DOCK10: variants seen among roughly 807,000 people sequenced by gnomAD.
DOCK10 encodes dedicator of cytokinesis protein 10.
Under a neutral mutation model 280.1 loss-of-function variants are expected in DOCK10, and 145 were observed. That is an observed-to-expected ratio of 0.52 (90% CI 0.45 to 0.59). The LOEUF (loss-of-function observed/expected upper bound fraction) is 0.59. Among genes scored for constraint, DOCK10 ranks in the 20% least tolerant of loss-of-function variants. The pLI is 0.00. For synonymous variants in DOCK10, 915 were observed against 942.2 expected (o/e 0.97, Z 0.53); for missense variants, 2,368 against 2,651.7 (o/e 0.89, Z 2.35).
chr2:224,982,886 A>G (rs139101665), intron 1 of DOCK10, among the ~76,000 whole-genome samples: 7 of 152,146 alleles, frequency 4.6e-5, no homozygotes, highest in African/African-American at 1.2e-4. Context: ...TTCATAGCTC[A>G]TAAGTTCCAG....
intron 11 of DOCK10, among the ~76,000 whole-genome samples, chr2:224,867,553 T>A (rs920539886): frequency 6.6e-6 from 1 of 152,170 alleles, no homozygotes; most frequent in African/African-American, 2.4e-5. Context: ...ATATGGAAGA[T>A]GAGAAGAAGG....
intron 1 of DOCK10, among the ~76,000 whole-genome samples, chr2:224,976,402 A>G (rs1037143894): frequency 1.7e-4 from 26 of 152,330 alleles, no homozygotes; most frequent in African/African-American, 5.5e-4. Context: ...AAAGTAAAAT[A>G]ATAATAATTT....
At chr2:224,945,487 C>A (rs549048475) in intron 1 of DOCK10, among the ~76,000 whole-genome samples, 91 of 152,226 alleles carry the variant, frequency 6.0e-4, no homozygotes, top group African/African-American at 2.2e-3. Context: ...TCACCAATGG[C>A]AGACACACAC....
At chr2:224,806,984 C>A (rs1264280867) in intron 33 of DOCK10, among the ~76,000 whole-genome samples, 1 of 152,036 alleles carries the variant, frequency 6.6e-6, no homozygotes, top group East Asian at 1.9e-4. Context: ...ATTTAATCCT[C>A]ATAAAGACAC....
chr2:224,942,914 A>AT (rs1703175173), intron 1 of DOCK10, among the ~76,000 whole-genome samples: 1 of 152,202 alleles, frequency 6.6e-6, no homozygotes, highest in Non-Finnish European at 1.5e-5. Flanking sequence ...ATGTTCATAT[A>AT]TTTTTATGAC....
chr2:224,991,490 G>A (rs1706125746), intron 1 of DOCK10, among the ~76,000 whole-genome samples: 1 of 152,146 alleles, frequency 6.6e-6, no homozygotes, highest in African/African-American at 2.4e-5. Context: ...TATTATCATT[G>A]TTATTCCAAG....
At chr2:224,921,046 A>C (rs1448334640) in intron 2 of DOCK10, among the ~76,000 whole-genome samples, 2 of 142,670 alleles carry the variant, frequency 1.4e-5, no homozygotes, top group East Asian at 4.1e-4. Flanking sequence ...ATTGAGGTCA[A>C]GAGTTTGAGA....
rs770310408 is a variant in DOCK10 at position 224,885,809 on chromosome 2, A to G, written c.613-4T>C. ...GGAAGTAGCGCTTTTTGAATGACTAAATAAAGGAAAAGATATAAGGAGATA... is the reference window on the plus strand; with the variant it reads ...GGAAGTAGCGCTTTTTGAATGACTAGATAAAGGAAAAGATATAAGGAGATA... On this transcript the variant is annotated splice_polypyrimidine_tract_variant and splice_region_variant and intron_variant, in intron 6 of 55. Coordinates refer to ENST00000258390, the MANE Select transcript of DOCK10 (RefSeq NM_014689.3). 1.9e-6 allele frequency: 3 copies of G among 1,611,488 alleles called. No individual in the cohort carries two copies. In the Admixed American group the frequency reaches 5.0e-5, roughly 27 times the overall value.
At chr2:225,005,414 T>TA (rs1475343117) in intron 1 of DOCK10, among the ~76,000 whole-genome samples, 1 of 152,260 alleles carries the variant, frequency 6.6e-6, no homozygotes, top group East Asian at 1.9e-4. Context: ...GATTTTATAC[T>TA]AGAGCAGTGT....
At chr2:224,846,270 G>C (rs182666305) in intron 19 of DOCK10, among the ~76,000 whole-genome samples, 11 of 152,240 alleles carry the variant, frequency 7.2e-5, no homozygotes, top group African/African-American at 2.6e-4. Flanking sequence ...TGTAACTGCA[G>C]AATATAGATA....
Position 224,841,912 on chromosome 2 carries a change from A to G in DOCK10, c.2569-16T>C, listed in dbSNP as rs777788754. On this transcript the variant is annotated splice_polypyrimidine_tract_variant and intron_variant, in intron 22 of 55. Transcript: ENST00000258390. ...CATGTGGATCCTACAACAGCAAAAA[A>G]AAAGTATTTATTTCTGATGACACGT... 1.3e-6 allele frequency: 2 copies of G among 1,573,118 alleles called. No individual in the cohort carries two copies. The highest frequency in any genetic ancestry group is 1.1e-5 in the South Asian group (1 of 90,282).
chr2:224,881,389 T>C (rs1260986887), intron 7 of DOCK10, among the ~76,000 whole-genome samples: 1 of 152,236 alleles, frequency 6.6e-6, no homozygotes, highest in African/African-American at 2.4e-5. Flanking sequence ...TAGTATTTGC[T>C]GAAATGAATC....
At chr2:224,873,905 T>G in intron 11 of DOCK10, 91 bp downstream of exon 11, 1 of 1,325,374 alleles carries the variant, frequency 7.5e-7, no homozygotes, top group Non-Finnish European at 1.0e-6. Context: ...GAGAAATCAG[T>G]GCCTGGAATT....
intron 3 of DOCK10, among the ~76,000 whole-genome samples, chr2:224,910,972 C>A (rs1700975063): frequency 1.0e-5 from 1 of 95,606 alleles, no homozygotes; most frequent in African/African-American, 3.3e-5. Context: ...TCCTTTCTCT[C>A]TCCCTTTTTT....
intron 7 of DOCK10, among the ~76,000 whole-genome samples, chr2:224,879,474 A>G (rs909147310): frequency 6.6e-5 from 10 of 152,174 alleles, no homozygotes; most frequent in Non-Finnish European, 1.3e-4. Flanking sequence ...ATAGACACTC[A>G]GGGCTGGGCG....
intron 25 of DOCK10, 33 bp downstream of exon 25, chr2:224,837,729 G>C: frequency 1.3e-6 from 2 of 1,573,774 alleles, no homozygotes; most frequent in Non-Finnish European, 1.7e-6. Context: ...CAGCACAAGG[G>C]GATATGAGCA....
At position 224,806,219 on chromosome 2, in the gene DOCK10, T is replaced by G. The variant is rs1391552349; in HGVS notation, c.3721A>C (p.Ser1241Arg). The G allele has an allele frequency of 6.2e-7, 1 of 1,604,826 alleles. No homozygotes were observed. The change falls in exon 34 of 56, where the codon AGC (serine) becomes CGC (arginine). Residue 1241 changes from serine to arginine, a missense_variant. Transcript: ENST00000258390. ...TGGCTTTGAAATCCTCCATTGGTGC[T>G]TAGATCATCTCTAGACCCCTGTATT... The part of the protein sequence containing the change: ...TSNQGSRDDL[S>R]TNGGFQSQTA...
intron 26 of DOCK10, among the ~76,000 whole-genome samples, chr2:224,832,534 A>G (rs910066061): frequency 6.6e-6 from 1 of 152,234 alleles, no homozygotes; most frequent in African/African-American, 2.4e-5. Context: ...GATATTCTAC[A>G]AAGGCAGCTA....
chr2:224,960,477 G>T (rs1704301458), intron 1 of DOCK10, among the ~76,000 whole-genome samples: 1 of 152,176 alleles, frequency 6.6e-6, no homozygotes, highest in African/African-American at 2.4e-5. Context: ...GTGCTGTGAT[G>T]AGAGATTTGC....
Sources: allele counts gnomAD v4.1 joint callset (sites outside exome capture counted in the v4.1 genomes callset), GRCh38; gene constraint gnomAD v4.1.1; transcripts MANE v1.5; gene names NCBI Gene and HGNC (gene_info 2026-07-23, HGNC 2026-07-21).